Variants in SEC16A observed in about 807,000 individuals in gnomAD.
SEC16A encodes the protein protein transport protein Sec16A.
SEC16A carries 110 observed loss-of-function variants against 221.9 expected under a neutral mutation model. The ratio of observed to expected loss-of-function variants is 0.50; its 90% confidence interval spans 0.42 to 0.58. The LOEUF (loss-of-function observed/expected upper bound fraction) is 0.58. Among genes scored for constraint, SEC16A ranks in the 20% least tolerant of loss-of-function variants. SEC16A has a pLI of 0.00. For missense variants in SEC16A, 3,165 were observed against 3,097.8 expected, an observed-to-expected ratio of 1.02 and a Z score of -0.52; for synonymous variants, 1,393 against 1,257.7, an observed-to-expected ratio of 1.11 and a Z score of -2.28.
intron 30 of SEC16A, 58 bp from the exon 31 acceptor site, chr9:136,443,958 C>G (rs1013929116): frequency 7.8e-6 from 10 of 1,277,652 alleles, no homozygotes; most frequent in Admixed American, 2.4e-5. Flanking sequence ...GCTGTCACTT[C>G]AAGTGCAGAT....
chr9:136,477,693 G>T lies in SEC16A; in HGVS notation c.-69-9C>A, dbSNP rs192612248. On this transcript the variant is annotated splice_polypyrimidine_tract_variant and intron_variant, in intron 2 of 31. Transcript: ENST00000684901. ...CTGTTCCTTAATTGGAGCTGGAAAAGAAAAAGAGAAAATCAGCATAAAATC... is the reference window on the plus strand; with the variant it reads ...CTGTTCCTTAATTGGAGCTGGAAAATAAAAAGAGAAAATCAGCATAAAATC... 2.4e-4 allele frequency: 341 copies of T among 1,448,238 alleles called. 1 individual carries two copies. The East Asian group carries it at 7.3e-3, about 31-fold the overall frequency. The allele number at this position is 1,448,238 out of a possible 1,614,324, so 89.7% of individuals were successfully genotyped here.
At chr9:136,446,397 C>T (rs80227665) in intron 28 of SEC16A, among the ~76,000 whole-genome samples, 3,003 of 151,964 alleles carry the variant, frequency 0.02, 48 homozygotes, top group Middle Eastern at 0.051. Context: ...GCATCATCCA[C>T]CACTCCCGAC....
chr9:136,466,838 A>G lies in SEC16A; in HGVS notation c.3929+119T>C. Reference sequence around the variant, plus strand: ...CCTTTCAGACAGGGACCAAAACATCAGGCAGATGCTCACCCAAACTACCAC... The same window carrying G: ...CCTTTCAGACAGGGACCAAAACATCGGGCAGATGCTCACCCAAACTACCAC... On this transcript the variant is annotated intron_variant, in intron 6 of 31. Coordinates refer to ENST00000684901, the MANE Select transcript of SEC16A (RefSeq NM_014866.2). This position sits in a 1 kb window ranked among gnomAD's most constrained non-coding sequence, Gnocchi z 5.5. 3 of 1,252,342 alleles carry G rather than the reference A, an allele frequency of 2.4e-6. No homozygotes were observed. In the Admixed American group the frequency reaches 7.7e-5, roughly 32 times the overall value. The allele number at this position is 1,252,342 out of a possible 1,614,324, so 77.6% of individuals were successfully genotyped here.
intron 1 of SEC16A, among the ~76,000 whole-genome samples, chr9:136,479,762 C>T (rs553088082): frequency 3.3e-5 from 5 of 151,972 alleles, no homozygotes; most frequent in South Asian, 2.1e-4. Flanking sequence ...ACCTGTAAGC[C>T]GAGCACTTTG....
chr9:136,445,816 C>T (rs1194858933), intron 28 of SEC16A, 97 bp from the exon 29 acceptor site: 1 of 1,061,978 alleles, frequency 9.4e-7, no homozygotes, highest in Non-Finnish European at 1.4e-6. Flanking sequence ...GCCTGGGTTA[C>T]AAACGCCCTC....
Position 136,478,795 on chromosome 9 carries a change from C to T in SEC16A, c.-156G>A, listed in dbSNP as rs906886274. Among the ~76,000 whole-genome samples the T allele has an allele frequency of 6.6e-6, 1 of 152,050 alleles. No individual in the cohort carries two copies. Among genetic ancestry groups the T allele is most frequent in the African/African-American group, 2.4e-5 (1 of 41,380 alleles). On this transcript the variant is annotated 5_prime_UTR_variant, in exon 2 of 32. In the 5' UTR this introduces an upstream ATG that the reference lacks. Coordinates refer to ENST00000684901, the MANE Select transcript of SEC16A (RefSeq NM_014866.2). Reference sequence around the variant, plus strand: ...GCTGCAGTGAGCTATGATTATACCACCGCGGTCCAGCCTGGGCAACAGAGC... The same window carrying T: ...GCTGCAGTGAGCTATGATTATACCATCGCGGTCCAGCCTGGGCAACAGAGC...
chr9:136,456,522 C>T (rs534188222), intron 18 of SEC16A, among the ~76,000 whole-genome samples: 6 of 152,206 alleles, frequency 3.9e-5, no homozygotes, highest in African/African-American at 9.6e-5. Flanking sequence ...GGATGCAGAG[C>T]GGGACAGAGG....
rs953363544 is a variant in SEC16A at position 136,459,041 on chromosome 9, G to A, written c.5409+93C>T. The A allele has an allele frequency of 1.3e-5, 10 of 793,642 alleles. No homozygotes were observed. The highest frequency in any genetic ancestry group is 5.8e-5 in the Admixed American group (2 of 34,436). The allele number at this position is 793,642 out of a possible 1,614,324, so 49.2% of individuals were successfully genotyped here. A position where few individuals can be genotyped will look rare whatever the true frequency, so the allele number is the denominator to read the frequency against. On this transcript the variant is annotated intron_variant, in intron 17 of 31. Coordinates refer to ENST00000684901, the MANE Select transcript of SEC16A (RefSeq NM_014866.2). This position sits in a 1 kb window ranked among gnomAD's most constrained non-coding sequence, Gnocchi z 6.1. ...CCAAAAAACTCACATCATTTTTTTCGATACCAATTCAAACAATCTAAGTAG... is the reference window on the plus strand; with the variant it reads ...CCAAAAAACTCACATCATTTTTTTCAATACCAATTCAAACAATCTAAGTAG...
rs774989264 is a variant in SEC16A at position 136,474,939 on chromosome 9, C to G, written c.2677G>C (p.Val893Leu). ...TSLSGIPTSS[V>L]LSLSLPSSVA... ...CTGCTAGGCAGAGACAAGCTAAGGA[C>G]AGAGCTGGTTGGAATCCCAGACAAA... Residue 893 changes from valine to leucine, a missense_variant, in exon 3 of 32, where the codon GTC becomes CTC. By Grantham distance (32) the Val-to-Leu change is conservative. Transcript: ENST00000684901. 1.2e-6 allele frequency: 2 copies of G among 1,613,696 alleles called. No homozygotes were observed. Among genetic ancestry groups the G allele is most frequent in the African/African-American group, 2.7e-5 (2 of 74,886 alleles).
chr9:136,468,943 A>G lies in SEC16A; in HGVS notation c.3705-431T>C, dbSNP rs1311782652. Among the ~76,000 whole-genome samples, 3 of 152,198 alleles carry G rather than the reference A, an allele frequency of 2.0e-5. No individual in the cohort carries two copies. In the East Asian group the frequency reaches 5.8e-4, roughly 29 times the overall value. ...CAGCTTAACACAACCTCCACCTCCCAGGCTCAAGCAATCCTCCCACCTCAG... is the reference window on the plus strand; with the variant it reads ...CAGCTTAACACAACCTCCACCTCCCGGGCTCAAGCAATCCTCCCACCTCAG... On this transcript the variant is annotated intron_variant, in intron 4 of 31. Transcript: ENST00000684901.
Position 136,477,472 on chromosome 9 carries a change from C to T in SEC16A, c.144G>A (p.Leu48=), listed in dbSNP as rs2132983804. Residue 48 remains leucine (L), a synonymous_variant, in exon 3 of 32, where the codon TTG becomes TTA. Transcript: ENST00000684901. ...NAAVAPTTCP[L]QPVTDPFAFS... Reference sequence around the variant, plus strand: ...AAGCAAATGGATCCGTGACCGGCTGCAACGGGCAAGTTGTCGGAGCCACTG... The same window carrying T: ...AAGCAAATGGATCCGTGACCGGCTGTAACGGGCAAGTTGTCGGAGCCACTG... The T allele has an allele frequency of 1.2e-6, 2 of 1,614,026 alleles. No homozygotes were observed. Among genetic ancestry groups the T allele is most frequent in the Non-Finnish European group, 1.7e-6 (2 of 1,179,904 alleles).
intron 12 of SEC16A, among the ~76,000 whole-genome samples, chr9:136,461,966 G>A (rs1839541183): frequency 6.6e-6 from 1 of 151,734 alleles, no homozygotes; most frequent in Non-Finnish European, 1.5e-5. Context: ...AAGTTAGCCA[G>A]GCGTGGTGGC....
chr9:136,462,376 G>GC (rs1839600764), intron 12 of SEC16A, among the ~76,000 whole-genome samples: 1 of 151,992 alleles, frequency 6.6e-6, no homozygotes, highest in Non-Finnish European at 1.5e-5. Flanking sequence ...CCTGTCTCAG[G>GC]CCCCCCACCT....
At chr9:136,457,958 ATTCT>A (rs1838923016) in intron 17 of SEC16A, among the ~76,000 whole-genome samples, 1 of 151,898 alleles carries the variant, frequency 6.6e-6, no homozygotes, top group East Asian at 1.9e-4. Flanking sequence ...TAGATACTTC[ATTCT>A]TTTTTATTTT....
At position 136,455,542 on chromosome 9, in the gene SEC16A, G is replaced by T. The variant is rs921235034; in HGVS notation, c.5857+59C>A. 8 of 1,462,090 alleles carry T rather than the reference G, an allele frequency of 5.5e-6. No individual in the cohort carries two copies. The South Asian group carries it at 6.6e-5, about 12-fold the overall frequency. The allele number at this position is 1,462,090 out of a possible 1,614,324, so 90.6% of individuals were successfully genotyped here. ...CCAGGAGGCAAGGGTGCAGGCCATG[G>T]CTCAGCCCACAGGAAGCAGGGGCTT... On this transcript the variant is annotated intron_variant, in intron 20 of 31. Transcript: ENST00000684901.
In SEC16A at chr9:136,459,738, A is replaced by G; in HGVS notation, c.5191+19T>C. ...GCTCCATCCGCGACACCCAATGCCCATCTCCACCCCTGACCTACCCAGAGT... is the reference window on the plus strand; with the variant it reads ...GCTCCATCCGCGACACCCAATGCCCGTCTCCACCCCTGACCTACCCAGAGT... On this transcript the variant is annotated intron_variant, in intron 15 of 31. Transcript: ENST00000684901. This position sits in a 1 kb window ranked among gnomAD's most constrained non-coding sequence, Gnocchi z 6.1. 6.3e-7 allele frequency: 1 copy of G among 1,582,002 alleles called. No individual in the cohort carries two copies. Among genetic ancestry groups the G allele is most frequent in the Non-Finnish European group, 8.6e-7 (1 of 1,159,848 alleles).
chr9:136,484,508 C>A, upstream of SEC16A: 2 of 1,245,064 alleles, frequency 1.6e-6, no homozygotes, highest in Non-Finnish European at 2.1e-6. Context: ...CCGCGGCCTT[C>A]CTCTGCTGCT....
At position 136,466,091 on chromosome 9, in the gene SEC16A, C is replaced by T; in HGVS notation, c.4174G>A (p.Ala1392Thr). 1 of 1,608,894 alleles carries T rather than the reference C, an allele frequency of 6.2e-7. No individual in the cohort carries two copies. Among genetic ancestry groups the T allele is most frequent in the Non-Finnish European group, 8.5e-7 (1 of 1,176,736 alleles). The change falls in exon 8 of 32, where the codon GCC becomes ACC. Residue 1392 changes from alanine (A) to threonine (T), a missense_variant. Physicochemically the swap from Ala to Thr is moderately conservative, Grantham distance 58 (BLOSUM62 0). Around this residue, in one of 3 missense-constraint regions of SEC16A, gnomAD observed 2,030 missense variants for 1,923.1 expected, o/e 1.06. Coordinates refer to ENST00000684901, the MANE Select transcript of SEC16A (RefSeq NM_014866.2). The surrounding 1 kb of genome is among the most constrained non-coding windows in gnomAD (Gnocchi z 5.5). ...SHNVAAGSYE[A>T]PLPPGSFHGD... ...TGAAAGGAGCCTGGAGGAAGCGGGG[C>T]CTCGTAGGAACCGGCAGCCACATTG...
upstream of SEC16A, chr9:136,483,077 T>G (rs888519104): frequency 3.1e-6 from 3 of 956,234 alleles, no homozygotes; most frequent in African/African-American, 3.5e-5. Context: ...CGCCGACGTG[T>G]CCGGCTTACG....
Sources: allele counts gnomAD v4.1 joint callset (sites outside exome capture counted in the v4.1 genomes callset), GRCh38; gene constraint gnomAD v4.1.1; regional missense constraint gnomAD v4.1.1; non-coding constraint Gnocchi (gnomAD v3.1); transcripts MANE v1.5; gene names NCBI Gene and HGNC (gene_info 2026-07-23, HGNC 2026-07-21).